Variants in CCSER2 observed in about 807,000 individuals in gnomAD.
CCSER2 encodes serine-rich coiled-coil domain-containing protein 2.
A neutral mutation model predicts 92.3 loss-of-function variants in CCSER2; 46 were observed. That is an observed-to-expected ratio of 0.50 (90% CI 0.39 to 0.64). CCSER2 has a LOEUF of 0.64. CCSER2 is among the 30% of genes least tolerant of loss of function. CCSER2 has a pLI of 0.00. For synonymous variants in CCSER2, 433 were observed against 431.4 expected (o/e 1.00, Z -0.04); for missense variants, 1,244 against 1,238.9 (o/e 1.00, Z -0.06).
chr10:84,354,075 T>C (rs888170087), intron 1 of CCSER2, among the ~76,000 whole-genome samples: 2 of 152,028 alleles, frequency 1.3e-5, no homozygotes, highest in African/African-American at 4.8e-5. Context: ...TGCACACACC[T>C]GTAGTCCCAG....
At chr10:84,426,612 G>T (rs1564650996) in intron 5 of CCSER2, among the ~76,000 whole-genome samples, 1 of 152,108 alleles carries the variant, frequency 6.6e-6, no homozygotes, top group Non-Finnish European at 1.5e-5. Context: ...GAAGTTATTA[G>T]TTTTTCCTTT....
chr10:84,485,792 G>A (rs1257267914), intron 9 of CCSER2, among the ~76,000 whole-genome samples: 1 of 151,952 alleles, frequency 6.6e-6, no homozygotes, highest in African/African-American at 2.4e-5. Context: ...TGTGCACAAC[G>A]TGCAGGTTTG....
At chr10:84,461,450 G>T (rs12269585) in intron 6 of CCSER2, among the ~76,000 whole-genome samples, 18,529 of 151,900 alleles carry the variant, frequency 0.12, 3,267 homozygotes, top group African/African-American at 0.39. Context: ...ATTACTGTCC[G>T]CATATGTTCC....
intron 4 of CCSER2, chr10:84,424,979 A>G: frequency 2.0e-6 from 2 of 984,916 alleles, no homozygotes; most frequent in Non-Finnish European, 2.4e-6. Context: ...GCAGCCGGTA[A>G]CACAATGTCT....
chr10:84,366,026 C>T lies in CCSER2; in HGVS notation c.-39-4988C>T, dbSNP rs150575784. 4.9e-3 allele frequency among the ~76,000 whole-genome samples: 752 copies of T among 152,268 alleles called. 6 individuals are homozygous for T. The highest frequency in any genetic ancestry group is 0.017 in the African/African-American group (718 of 41,556). ...TATTGCCACTGTCCCTTGCTCTGCT[C>T]CTGGCAAACATTGCTGCTTGATCAT... On this transcript the variant is annotated intron_variant, in intron 1 of 9. Transcript: ENST00000372088.
chr10:84,497,277 G>A (rs138147504), intron 9 of CCSER2, among the ~76,000 whole-genome samples: 5 of 152,362 alleles, frequency 3.3e-5, no homozygotes, highest in Non-Finnish European at 7.3e-5. Context: ...TGACAGATGG[G>A]TAGAGAAGTG....
chr10:84,472,952 A>G (rs1394616734), intron 8 of CCSER2: 3 of 152,224 alleles, frequency 2.0e-5, no homozygotes, highest in African/African-American at 7.2e-5. Context: ...GTCTAGGACT[A>G]TGCACAACTG....
intron 1 of CCSER2, among the ~76,000 whole-genome samples, chr10:84,331,017 A>G (rs1002690539): frequency 1.3e-5 from 2 of 152,190 alleles, no homozygotes; most frequent in East Asian, 1.9e-4. Flanking sequence ...TTGTTTTACA[A>G]TTTGAATGGG....
At chr10:84,392,123 GA>G in intron 3 of CCSER2, 1 of 672,872 alleles carries the variant, frequency 1.5e-6, no homozygotes. Flanking sequence ...TGCACCCAGG[GA>G]AAATACTACC....
At chr10:84,457,350 AATAT>A (rs1331589619) in intron 6 of CCSER2, among the ~76,000 whole-genome samples, 4 of 66,312 alleles carry the variant, frequency 6.0e-5, no homozygotes, top group East Asian at 5.6e-4. Context: ...TATTATATAT[AATAT>A]ATATATTTAT....
intron 1 of CCSER2, among the ~76,000 whole-genome samples, chr10:84,353,265 A>G (rs750371826): frequency 1.5e-4 from 23 of 152,108 alleles, no homozygotes; most frequent in South Asian, 6.2e-4. Context: ...TGCCTCGGTC[A>G]TGGAGATCCT....
At position 84,514,202 on chromosome 10, in the gene CCSER2, T is replaced by A; in HGVS notation, c.3079T>A (p.Leu1027Met). Residue 1027 changes from leucine (L) to methionine (M), a missense_variant, in exon 10 of 10, where the codon TTG becomes ATG. By Grantham distance (15) the Leu-to-Met change is conservative (BLOSUM62 2). Transcript: ENST00000372088. ...KEIMQNPNGN[L>M]HSGDCLASNR... ...AATCATGCAGAATCCAAATGGCAATTTGCATTCTGGGGATTGTTTGGCCTC... is the reference window on the plus strand; with the variant it reads ...AATCATGCAGAATCCAAATGGCAATATGCATTCTGGGGATTGTTTGGCCTC... 6.5e-7 allele frequency: 1 copy of A among 1,536,500 alleles called. No homozygotes were observed. The highest frequency in any genetic ancestry group is 8.7e-7 in the Non-Finnish European group (1 of 1,147,008).
chr10:84,403,112 A>G (rs935567742), intron 3 of CCSER2, among the ~76,000 whole-genome samples: 2 of 152,216 alleles, frequency 1.3e-5, no homozygotes, highest in African/African-American at 4.8e-5. Context: ...GCATAGACAC[A>G]TAGATCAATG....
chr10:84,369,339 C>A (rs541090314), intron 1 of CCSER2, among the ~76,000 whole-genome samples: 1 of 152,112 alleles, frequency 6.6e-6, no homozygotes, highest in African/African-American at 2.4e-5. Context: ...TGTTTTTTGA[C>A]TTTTTAATAA....
chr10:84,329,585 TG>T (rs1358437765), intron 1 of CCSER2, among the ~76,000 whole-genome samples: 4 of 152,220 alleles, frequency 2.6e-5, no homozygotes, highest in South Asian at 2.1e-4. Context: ...AATAGCCATA[TG>T]AAAAGCATTC....
intron 8 of CCSER2, among the ~76,000 whole-genome samples, chr10:84,476,091 C>T (rs1207517431): frequency 6.6e-6 from 1 of 152,160 alleles, no homozygotes; most frequent in African/African-American, 2.4e-5. Context: ...CAGCCACAGC[C>T]TCCCAAAGTA....
intron 1 of CCSER2, among the ~76,000 whole-genome samples, chr10:84,341,157 G>T (rs984585520): frequency 2.7e-5 from 4 of 147,616 alleles, no homozygotes; most frequent in African/African-American, 1.0e-4. Flanking sequence ...GTGCCCTCCC[G>T]AGTAGCTGGG....
At chr10:84,337,755 C>A (rs551899243) in intron 1 of CCSER2, among the ~76,000 whole-genome samples, 1 of 152,206 alleles carries the variant, frequency 6.6e-6, no homozygotes, top group South Asian at 2.1e-4. Context: ...GGATGCATGC[C>A]AGGGAGACAA....
At chr10:84,449,642 G>C (rs1191245408) in intron 6 of CCSER2, among the ~76,000 whole-genome samples, 3 of 152,146 alleles carry the variant, frequency 2.0e-5, no homozygotes, top group African/African-American at 7.2e-5. Context: ...ATCACCTGTG[G>C]TTGGGAGTTC....
Sources: gnomAD v4.1 joint callset for allele counts (sites outside exome capture counted in the v4.1 genomes callset) on GRCh38, gnomAD v4.1.1 for gene constraint, MANE v1.5 for transcripts, NCBI Gene and HGNC (gene_info 2026-07-23, HGNC 2026-07-21) for gene names.